Variants in IL1RAPL1 observed in about 807,000 individuals in gnomAD.
The protein encoded by IL1RAPL1 is interleukin-1 receptor accessory protein-like 1.
Under a neutral mutation model 48.4 loss-of-function variants are expected in IL1RAPL1, and 3 were observed. The observed-to-expected ratio is 0.06, with a 90% CI of 0.03 to 0.16. The LOEUF (loss-of-function observed/expected upper bound fraction) is 0.16, where lower values mean the gene tolerates loss of function less well. Ranked by LOEUF, IL1RAPL1 falls within the 10% of genes least tolerant of loss-of-function variation. The pLI is 1.00. For missense variants in IL1RAPL1, 349 were observed against 530.6 expected (o/e 0.66, Z 3.36); for synonymous variants, 185 against 187.7 (o/e 0.99, Z 0.12).
At chrX:28,986,836 GTTGGGAAGTAA>G (rs1270863088) in intron 2 of IL1RAPL1, among the ~76,000 whole-genome samples, 6 of 112,091 alleles carry the variant, frequency 5.4e-5, no homozygotes, top group Admixed American at 3.8e-4. Context: ...GTATTATGAT[GTTGGGAAGTAA>G]AGTGCAGAAT....
intron 2 of IL1RAPL1, among the ~76,000 whole-genome samples, chrX:28,997,921 C>T (rs1925758955): frequency 9.0e-6 from 1 of 111,695 alleles, no homozygotes; most frequent in East Asian, 2.8e-4. Flanking sequence ...GGTGTGCAGA[C>T]CATTCTACAA....
intron 2 of IL1RAPL1, among the ~76,000 whole-genome samples, chrX:28,899,883 C>A (rs1923029832): frequency 8.9e-6 from 1 of 111,755 alleles, no homozygotes; most frequent in Admixed American, 9.5e-5. Flanking sequence ...CCTTCTGTGT[C>A]ATTTCACAGA....
intron 6 of IL1RAPL1, among the ~76,000 whole-genome samples, chrX:29,749,949 C>T (rs1928420988): frequency 9.0e-6 from 1 of 111,583 alleles, no homozygotes; most frequent in Non-Finnish European, 1.9e-5. Context: ...CTCTTCTTAA[C>T]TCTGGAGTGT....
intron 6 of IL1RAPL1, among the ~76,000 whole-genome samples, chrX:29,854,848 G>A (rs747297297): frequency 4.5e-5 from 5 of 110,486 alleles, no homozygotes; most frequent in Non-Finnish European, 7.6e-5. Context: ...GGGCCAAGGC[G>A]GGAGGATCAC....
chrX:28,970,647 T>C (rs758549769), intron 2 of IL1RAPL1, among the ~76,000 whole-genome samples: 2 of 111,561 alleles, frequency 1.8e-5, no homozygotes, highest in African/African-American at 3.3e-5. Flanking sequence ...TTTGTGAATG[T>C]GAAACAAAAA....
intron 5 of IL1RAPL1, among the ~76,000 whole-genome samples, chrX:29,502,088 T>C (rs186788305): frequency 9.0e-6 from 1 of 111,552 alleles, no homozygotes; most frequent in East Asian, 2.8e-4. Flanking sequence ...TTTGTAGCTA[T>C]TATAAATGAG....
chrX:29,479,455 T>C (rs1359395404), intron 5 of IL1RAPL1, among the ~76,000 whole-genome samples: 7 of 96,995 alleles, frequency 7.2e-5, no homozygotes, highest in Non-Finnish European at 1.5e-4. Context: ...TGTTGCAAAA[T>C]GTATAGGAAA....
chrX:28,705,463 A>C, intron 1 of IL1RAPL1, among the ~76,000 whole-genome samples: 1 of 112,505 alleles, frequency 8.9e-6, no homozygotes, highest in East Asian at 2.8e-4. Flanking sequence ...TGTAAAAACA[A>C]ATTATTCATA....
intron 3 of IL1RAPL1, among the ~76,000 whole-genome samples, chrX:29,331,703 A>G (rs1317208561): frequency 8.9e-6 from 1 of 112,030 alleles, no homozygotes; most frequent in Non-Finnish European, 1.9e-5. Context: ...CTTATTCTGT[A>G]TATATTCTTT....
intron 6 of IL1RAPL1, among the ~76,000 whole-genome samples, chrX:29,824,904 G>GTT (rs758222398): frequency 0.015 from 1,409 of 91,380 alleles, 22 homozygotes; most frequent in African/African-American, 0.052. Context: ...ACCAGAACAT[G>GTT]TTTTTTTTTT....
intron 3 of IL1RAPL1, among the ~76,000 whole-genome samples, chrX:29,385,579 C>G (rs1390690302): frequency 8.9e-6 from 1 of 112,647 alleles, no homozygotes; most frequent in Non-Finnish European, 1.9e-5. Context: ...TCCTAGGGAC[C>G]TCGAATAAGT....
chrX:29,375,137 C>T (rs1395925492), intron 3 of IL1RAPL1, among the ~76,000 whole-genome samples: 3 of 102,721 alleles, frequency 2.9e-5, no homozygotes, highest in South Asian at 4.4e-4. Flanking sequence ...ATATGAGTCT[C>T]TGTGTTTCCA....
chrX:28,590,801 A>G (rs1933900707), intron 1 of IL1RAPL1, among the ~76,000 whole-genome samples: 1 of 112,147 alleles, frequency 8.9e-6, no homozygotes, highest in Non-Finnish European at 1.9e-5. Context: ...GCTCAGTAGG[A>G]GATGGAAATA....
chrX:29,690,966 A>T (rs1926755081), intron 6 of IL1RAPL1, among the ~76,000 whole-genome samples: 1 of 93,652 alleles, frequency 1.1e-5, no homozygotes, highest in Admixed American at 1.3e-4. Context: ...TGAATAATTT[A>T]AACAACATTT....
At position 29,868,684 on chromosome X, in the gene IL1RAPL1, A is replaced by G. The variant is rs373678518; in HGVS notation, c.779-48780A>G. Among the ~76,000 whole-genome samples, 43 of 112,671 alleles carry G rather than the reference A, an allele frequency of 3.8e-4. 1 individual carries two copies. The East Asian group carries it at 8.9e-3, about 23-fold the overall frequency. On this transcript the variant is annotated intron_variant, in intron 6 of 10. Transcript: ENST00000378993. ...TTGAAGTGCAATTCAAGACCGGAGAACCAAGTGGACAAAATACTGCATATA... is the reference window on the plus strand; with the variant it reads ...TTGAAGTGCAATTCAAGACCGGAGAGCCAAGTGGACAAAATACTGCATATA...
chrX:29,793,515 G>A (rs1323145320), intron 6 of IL1RAPL1, among the ~76,000 whole-genome samples: 2 of 111,804 alleles, frequency 1.8e-5, no homozygotes, highest in African/African-American at 6.5e-5. Context: ...TTAACAGAGT[G>A]TCAACAATTG....
At chrX:29,636,103 GA>G (rs1167556360) in intron 5 of IL1RAPL1, among the ~76,000 whole-genome samples, 1 of 111,582 alleles carries the variant, frequency 9.0e-6, no homozygotes, top group African/African-American at 3.3e-5. Context: ...ACATGTTTAA[GA>G]GGTAAATGAC....
intron 3 of IL1RAPL1, among the ~76,000 whole-genome samples, chrX:29,361,570 C>T (rs952648101): frequency 3.6e-5 from 4 of 110,080 alleles, no homozygotes; most frequent in Non-Finnish European, 7.5e-5. Context: ...CACACACACA[C>T]ACAACTTTAA....
At chrX:29,799,708 G>A (rs1270084320) in intron 6 of IL1RAPL1, among the ~76,000 whole-genome samples, 1 of 112,359 alleles carries the variant, frequency 8.9e-6, no homozygotes, top group African/African-American at 3.2e-5. Context: ...AGTGGACAGT[G>A]AAGATACAGA....
Sources: allele counts gnomAD v4.1 joint callset (sites outside exome capture counted in the v4.1 genomes callset), GRCh38; gene constraint gnomAD v4.1.1; transcripts MANE v1.5; gene names NCBI Gene and HGNC (gene_info 2026-07-23, HGNC 2026-07-21).